The following SEZ6L variants were observed in gnomAD, a reference collection of about 807,000 sequenced individuals.
The protein encoded by SEZ6L is seizure 6-like protein.
SEZ6L carries 37 observed loss-of-function variants against 106.2 expected under a neutral mutation model. That is an observed-to-expected ratio of 0.35 (90% CI 0.27 to 0.46). The LOEUF is 0.46. Ranked by LOEUF, SEZ6L falls within the 20% of genes least tolerant of loss-of-function variation. SEZ6L has a pLI of 1.00. For missense variants in SEZ6L, 1,172 were observed against 1,332.8 expected (o/e 0.88, Z 1.88); for synonymous variants, 541 against 570.4 (o/e 0.95, Z 0.73).
intron 12 of SEZ6L, among the ~76,000 whole-genome samples, chr22:26,361,865 C>T (rs982825348): frequency 6.6e-6 from 1 of 152,020 alleles, no homozygotes; most frequent in Admixed American, 6.6e-5. Context: ...GGGCACCTAC[C>T]CTGTACCAGG....
intron 1 of SEZ6L, among the ~76,000 whole-genome samples, chr22:26,243,369 A>G (rs1180667377): frequency 3.3e-5 from 5 of 152,226 alleles, no homozygotes; most frequent in African/African-American, 1.2e-4. Context: ...ATGAATAAGC[A>G]GGAAAAGCCT....
intron 3 of SEZ6L, among the ~76,000 whole-genome samples, chr22:26,295,429 A>T (rs970860916): frequency 8.5e-5 from 13 of 152,158 alleles, no homozygotes; most frequent in South Asian, 2.1e-4. Context: ...TTACCTTAGG[A>T]AGGTTTTTTG....
intron 12 of SEZ6L, among the ~76,000 whole-genome samples, chr22:26,355,187 T>G (rs2083402890): frequency 6.6e-6 from 1 of 152,200 alleles, no homozygotes; most frequent in Admixed American, 6.5e-5. Context: ...CTCTTCACCC[T>G]CACGGAAATC....
intron 6 of SEZ6L, among the ~76,000 whole-genome samples, chr22:26,306,815 T>C (rs1291594605): frequency 1.3e-5 from 2 of 152,244 alleles, no homozygotes; most frequent in African/African-American, 2.4e-5. Context: ...CGTCTTATTC[T>C]AGAATATTAT....
intron 16 of SEZ6L, 132 bp from the exon 17 acceptor site, chr22:26,380,134 G>A: frequency 2.7e-6 from 2 of 729,594 alleles, no homozygotes; most frequent in East Asian, 2.5e-5. Flanking sequence ...GCAAATCAGG[G>A]TCAGAGTGGG....
intron 9 of SEZ6L, among the ~76,000 whole-genome samples, chr22:26,321,061 G>A (rs1175482263): frequency 6.6e-6 from 1 of 152,214 alleles, no homozygotes; most frequent in Non-Finnish European, 1.5e-5. Context: ...GGAACAGCAT[G>A]TGCTAAGGTC....
intron 12 of SEZ6L, among the ~76,000 whole-genome samples, chr22:26,357,727 T>TG (rs1191364429): frequency 6.6e-6 from 1 of 152,168 alleles, no homozygotes; most frequent in Non-Finnish European, 1.5e-5. Context: ...GCTCGACAAA[T>TG]GATGTTACTA....
chr22:26,205,959 G>A (rs943632862), intron 1 of SEZ6L, among the ~76,000 whole-genome samples: 1 of 152,006 alleles, frequency 6.6e-6, no homozygotes, highest in African/African-American at 2.4e-5. Context: ...TCCAGTTTAT[G>A]CTCTGGAACT....
At chr22:26,308,429 AC>A (rs1237314590) in intron 6 of SEZ6L, among the ~76,000 whole-genome samples, 1 of 152,146 alleles carries the variant, frequency 6.6e-6, no homozygotes, top group Non-Finnish European at 1.5e-5. Context: ...ATGCCAGGCT[AC>A]TTTTATAGGC....
chr22:26,361,780 C>T (rs2083644544), intron 12 of SEZ6L, among the ~76,000 whole-genome samples: 1 of 152,082 alleles, frequency 6.6e-6, no homozygotes, highest in Admixed American at 6.5e-5. Flanking sequence ...CCCTTGGACA[C>T]TTGAACCCAA....
intron 1 of SEZ6L, among the ~76,000 whole-genome samples, chr22:26,185,679 C>T (rs1939726070): frequency 6.6e-6 from 1 of 152,108 alleles, no homozygotes. Flanking sequence ...TTATGTCCAC[C>T]ATTTATATGC....
intron 1 of SEZ6L, among the ~76,000 whole-genome samples, chr22:26,229,920 G>A (rs1196890868): frequency 3.9e-5 from 6 of 152,200 alleles, no homozygotes; most frequent in Admixed American, 3.9e-4. Context: ...CAGAAGAAAT[G>A]GAAGGCCCAA....
rs373028240 is a variant in SEZ6L, at chr22:26,361,321, A to T, written c.2600-4051A>T. 2.4e-3 allele frequency among the ~76,000 whole-genome samples: 344 copies of T among 144,460 alleles called. 1 individual carries two copies. The highest frequency in any genetic ancestry group is 8.4e-3 in the African/African-American group (333 of 39,410). The allele number at this position is 144,460 out of a possible 152,430, so 94.8% of individuals were successfully genotyped here. On this transcript the variant is annotated intron_variant, in intron 12 of 16. Transcript: ENST00000248933. ...GAGACCAGCCTGGCCAAAATGGTGG[A>T]ACCCCGTCTCTACTAAAAATACAAA...
At chr22:26,266,451 T>C (rs1470217745) in intron 1 of SEZ6L, among the ~76,000 whole-genome samples, 1 of 150,166 alleles carries the variant, frequency 6.7e-6, no homozygotes, top group Non-Finnish European at 1.5e-5. Context: ...TGGGCGCCTG[T>C]AGTCCCAGCT....
intron 1 of SEZ6L, among the ~76,000 whole-genome samples, chr22:26,238,864 G>C (rs548888116): frequency 2.6e-5 from 4 of 152,090 alleles, no homozygotes; most frequent in Non-Finnish European, 5.9e-5. Flanking sequence ...TCTGCCTCTC[G>C]AATAACTAGA....
chr22:26,331,882 C>T (rs113699792), intron 9 of SEZ6L, among the ~76,000 whole-genome samples: 1,615 of 152,164 alleles, frequency 0.011, 40 homozygotes, highest in African/African-American at 0.037. Context: ...ACTTGGGAGG[C>T]TGAGGCAGGA....
intron 10 of SEZ6L, among the ~76,000 whole-genome samples, chr22:26,343,417 A>C (rs1277717321): frequency 6.6e-6 from 1 of 152,050 alleles, no homozygotes; most frequent in Non-Finnish European, 1.5e-5. Context: ...AATATCTTGA[A>C]GAAGAAGTGT....
intron 1 of SEZ6L, among the ~76,000 whole-genome samples, chr22:26,267,706 C>T (rs904789082): frequency 3.3e-5 from 5 of 152,118 alleles, no homozygotes; most frequent in Non-Finnish European, 2.9e-5. Context: ...ATTTTTGAGG[C>T]GTATTTCTCA....
At chr22:26,350,215 T>C (rs34650736) in intron 11 of SEZ6L, among the ~76,000 whole-genome samples, 9,052 of 107,728 alleles carry the variant, frequency 0.084, 704 homozygotes, top group African/African-American at 0.23. Flanking sequence ...TATACACATA[T>C]ATATATATAT....
Sources: gnomAD v4.1 joint callset for allele counts (sites outside exome capture counted in the v4.1 genomes callset) on GRCh38, gnomAD v4.1.1 for gene constraint, MANE v1.5 for transcripts, NCBI Gene and HGNC (gene_info 2026-07-23, HGNC 2026-07-21) for gene names.